The following DAGLB variants were observed in gnomAD, a reference collection of about 807,000 sequenced individuals.
DAGLB encodes diacylglycerol lipase-beta.
In DAGLB, 66 loss-of-function variants were observed where a neutral mutation model predicts 72.1. The ratio of observed to expected loss-of-function variants is 0.92; its 90% confidence interval spans 0.75 to 1.12. DAGLB has a LOEUF of 1.12. Among genes scored for constraint, DAGLB ranks in the 50% most tolerant of loss-of-function variants. The pLI is 0.00. For missense variants in DAGLB, 1,065 were observed against 884.9 expected (o/e 1.20, Z -2.58); for synonymous variants, 414 against 359.5 (o/e 1.15, Z -1.71).
chr7:6,437,687 C>T (rs1482660895), intron 2 of DAGLB, among the ~76,000 whole-genome samples: 2 of 151,616 alleles, frequency 1.3e-5, no homozygotes, highest in African/African-American at 4.8e-5. Flanking sequence ...CTCACTCTGT[C>T]GCCCAGGCTG....
At position 6,409,584 on chromosome 7, in the gene DAGLB, G is replaced by A. The variant is rs576061069; in HGVS notation, c.*253C>T. 143 of 543,010 alleles carry A rather than the reference G, an allele frequency of 2.6e-4. No homozygotes were observed. The highest frequency in any genetic ancestry group is 1.6e-3 in the South Asian group (74 of 47,134). 33.6% of individuals were successfully genotyped at this position (543,010 alleles called of 1,614,324 possible). On this transcript the variant is annotated 3_prime_UTR_variant, in exon 15 of 15. Coordinates refer to ENST00000297056, the MANE Select transcript of DAGLB (RefSeq NM_139179.4). The stretch of plus-strand genomic sequence containing the variant: ...ATCCATCCACGGGCCAGGGCTTCCC[G>A]AGGCTGTCTCCACGGTCGCTGGGTC...
intron 9 of DAGLB, among the ~76,000 whole-genome samples, chr7:6,421,251 G>C (rs991159354): frequency 6.6e-6 from 1 of 152,200 alleles, no homozygotes; most frequent in Non-Finnish European, 1.5e-5. Context: ...CTCTGAACAG[G>C]CTTCTCTCTC....
intron 13 of DAGLB, among the ~76,000 whole-genome samples, chr7:6,410,908 G>A (rs185577475): frequency 0.024 from 3,232 of 135,352 alleles, 59 homozygotes; most frequent in Middle Eastern, 0.05. Context: ...TTTTTGAGAC[G>A]GAGTCTCACT....
chr7:6,447,951 A>T lies in DAGLB; in HGVS notation c.-109T>A, dbSNP rs1583307611. 1.4e-6 allele frequency: 2 copies of T among 1,453,678 alleles called. No individual in the cohort carries two copies. The highest frequency in any genetic ancestry group is 1.4e-5 in the South Asian group (1 of 73,192). 90.0% of individuals were successfully genotyped at this position (1,453,678 alleles called of 1,614,324 possible). A position where few individuals can be genotyped will look rare whatever the true frequency, so the allele number is the denominator to read the frequency against. ...CCAAATTATCGGCGCTCAAGCGCAAACGCAGCGAGGGCGGGGACCTGCGCA... is the reference window on the plus strand; with the variant it reads ...CCAAATTATCGGCGCTCAAGCGCAATCGCAGCGAGGGCGGGGACCTGCGCA... On this transcript the variant is annotated 5_prime_UTR_variant, in exon 1 of 15. Transcript: ENST00000297056.
intron 2 of DAGLB, among the ~76,000 whole-genome samples, chr7:6,440,429 G>A (rs892862782): frequency 6.6e-6 from 1 of 151,758 alleles, no homozygotes; most frequent in African/African-American, 2.4e-5. Context: ...TACAGAAGAA[G>A]AGGATCAGTC....
chr7:6,441,586 T>G (rs1399335878), intron 2 of DAGLB, among the ~76,000 whole-genome samples: 2 of 149,342 alleles, frequency 1.3e-5, no homozygotes, highest in Non-Finnish European at 3.0e-5. Flanking sequence ...CCCAGCTAAT[T>G]TTTTGTATTT....
chr7:6,416,800 T>A, intron 10 of DAGLB, 41 bp downstream of exon 10: 1 of 1,613,798 alleles, frequency 6.2e-7, no homozygotes, highest in South Asian at 1.1e-5. Context: ...AAACAACAGC[T>A]CCAAAGAGGA....
intron 2 of DAGLB, among the ~76,000 whole-genome samples, chr7:6,442,807 C>G (rs1477690889): frequency 6.6e-6 from 1 of 152,080 alleles, no homozygotes; most frequent in Non-Finnish European, 1.5e-5. Flanking sequence ...AATACCAGCA[C>G]TTTGGGAGGA....
rs1784608460 is a variant in DAGLB, at chr7:6,434,973, T to A, written c.467A>T (p.Asp156Val). Reference protein sequence around the residue: ...ATVVSIIIVFDPLGGKMAPYS... With the variant: ...ATVVSIIIVFVPLGGKMAPYS... Reference sequence around the variant, plus strand: ...TGGAGCCATTTTCCCCCCAAGAGGGTCAAAGACAATGATAATGGAAACCAC... The same window carrying A: ...TGGAGCCATTTTCCCCCCAAGAGGGACAAAGACAATGATAATGGAAACCAC... The change falls in exon 4 of 15, where the codon GAC becomes GTC. Residue 156 changes from aspartate (D) to valine (V), a missense_variant. Transcript: ENST00000297056. 1 of 1,612,876 alleles carries A rather than the reference T, an allele frequency of 6.2e-7. No individual in the cohort carries two copies. The highest frequency in any genetic ancestry group is 1.7e-5 in the Admixed American group (1 of 59,848).
intron 6 of DAGLB, among the ~76,000 whole-genome samples, chr7:6,428,959 T>C (rs1044206967): frequency 6.6e-6 from 1 of 152,094 alleles, no homozygotes; most frequent in Non-Finnish European, 1.5e-5. Context: ...TACACACTGT[T>C]ACACCCAGCT....
intron 2 of DAGLB, among the ~76,000 whole-genome samples, chr7:6,441,843 T>C (rs1040994395): frequency 6.6e-6 from 1 of 152,060 alleles, no homozygotes; most frequent in Non-Finnish European, 1.5e-5. Flanking sequence ...TTACAGAAAA[T>C]TCAACTCAAA....
rs836559 is a variant in DAGLB at position 6,409,132 on chromosome 7, G to A, written c.*705C>T. The stretch of plus-strand genomic sequence containing the variant: ...ACGCAGCTGTACACACAAGCACTAT[G>A]GTGACGCGCGCTTTATTGTTTCAAC... On this transcript the variant is annotated 3_prime_UTR_variant, in exon 15 of 15. Coordinates refer to ENST00000297056, the MANE Select transcript of DAGLB (RefSeq NM_139179.4). 3 of 152,990 alleles carry A rather than the reference G, an allele frequency of 2.0e-5. No homozygotes were observed. The highest frequency in any genetic ancestry group is 7.2e-5 in the African/African-American group (3 of 41,412). The allele number at this position is 152,990 out of a possible 1,614,324, so 9.5% of individuals were successfully genotyped here. A position where few individuals can be genotyped will look rare whatever the true frequency, so the allele number is the denominator to read the frequency against.
At chr7:6,430,745 G>T (rs897598447) in intron 5 of DAGLB, 138 bp from the exon 6 acceptor site, 2 of 981,142 alleles carry the variant, frequency 2.0e-6, no homozygotes, top group Admixed American at 3.7e-5. Context: ...ACGCCCACAG[G>T]CAAAACTGCT....
chr7:6,420,447 AAAAAG>A (rs1335015863), intron 9 of DAGLB, among the ~76,000 whole-genome samples: 2 of 151,778 alleles, frequency 1.3e-5, no homozygotes, highest in South Asian at 2.1e-4. Context: ...CTCAAAAAAA[AAAAAG>A]AAAAGAAACA....
At chr7:6,420,344 A>G (rs1453125337) in intron 9 of DAGLB, among the ~76,000 whole-genome samples, 10 of 151,568 alleles carry the variant, frequency 6.6e-5, no homozygotes, top group African/African-American at 2.4e-4. Context: ...GGAGGCTGAG[A>G]CAGGAGAATT....
At chr7:6,437,925 A>G (rs916213865) in intron 2 of DAGLB, among the ~76,000 whole-genome samples, 3 of 152,240 alleles carry the variant, frequency 2.0e-5, no homozygotes, top group African/African-American at 7.2e-5. Context: ...TACAGGCATG[A>G]GCCACAGCAC....
chr7:6,446,094 T>G lies in DAGLB; in HGVS notation c.106A>C (p.Ile36Leu). Residue 36 changes from isoleucine to leucine, a missense_variant, in exon 2 of 15, where the codon ATT becomes CTT. Transcript: ENST00000297056. Reference sequence around the variant, plus strand: ...CTGTGCATGAGATACAACGTCAGAATGCCAATCCACCTGGCAAAAAAAAAA... The same window carrying G: ...CTGTGCATGAGATACAACGTCAGAAGGCCAATCCACCTGGCAAAAAAAAAA... ...LVVRVLWWIG[I>L]LTLYLMHRGK... 1 of 1,579,342 alleles carries G rather than the reference T, an allele frequency of 6.3e-7. No individual in the cohort carries two copies. The highest frequency in any genetic ancestry group is 8.6e-7 in the Non-Finnish European group (1 of 1,167,144).
At chr7:6,442,997 C>G (rs994089322) in intron 2 of DAGLB, among the ~76,000 whole-genome samples, 2 of 145,578 alleles carry the variant, frequency 1.4e-5, no homozygotes, top group Admixed American at 7.0e-5. Context: ...CACAGTGAAA[C>G]CCCGTCTCTT....
chr7:6,420,965 G>A (rs548289424), intron 9 of DAGLB, among the ~76,000 whole-genome samples: 1 of 152,326 alleles, frequency 6.6e-6, no homozygotes, highest in Non-Finnish European at 1.5e-5. Context: ...CTGCTGCTCT[G>A]AGCTTTGATG....
Sources: allele counts gnomAD v4.1 joint callset (sites outside exome capture counted in the v4.1 genomes callset), GRCh38; gene constraint gnomAD v4.1.1; transcripts MANE v1.5; gene names NCBI Gene and HGNC (gene_info 2026-07-23, HGNC 2026-07-21).